Variants in ANO2 observed in about 807,000 individuals in gnomAD.
The protein encoded by ANO2 is anoctamin-2.
A neutral mutation model predicts 124.2 loss-of-function variants in ANO2; 101 were observed. The observed-to-expected ratio is 0.81, with a 90% CI of 0.69 to 0.96. The LOEUF (loss-of-function observed/expected upper bound fraction) is 0.96, where lower values mean the gene tolerates loss of function less well. Among genes scored for constraint, ANO2 ranks in the 40% least tolerant of loss-of-function variants. ANO2 has a pLI of 0.00. For missense variants in ANO2, 1,293 were observed against 1,274.5 expected (o/e 1.01, Z -0.22); for synonymous variants, 486 against 482.5 (o/e 1.01, Z -0.09).
intron 14 of ANO2, among the ~76,000 whole-genome samples, chr12:5,693,020 G>A (rs1049246514): frequency 3.9e-5 from 6 of 152,140 alleles, no homozygotes; most frequent in South Asian, 2.1e-4. Flanking sequence ...CTCACTAGCC[G>A]CTTCTGCTCA....
At chr12:5,860,054 G>A (rs1186849662) in intron 3 of ANO2, among the ~76,000 whole-genome samples, 4 of 152,046 alleles carry the variant, frequency 2.6e-5, no homozygotes, top group Non-Finnish European at 5.9e-5. Context: ...TAAGGTACCA[G>A]CCCCTCTCAC....
At chr12:5,682,193 T>C (rs775485206) in intron 14 of ANO2, among the ~76,000 whole-genome samples, 13 of 152,234 alleles carry the variant, frequency 8.5e-5, no homozygotes, top group Admixed American at 1.3e-4. Context: ...CCAACTCCTA[T>C]ATTTATCAAA....
intron 19 of ANO2, among the ~76,000 whole-genome samples, chr12:5,603,602 T>C (rs955907429): frequency 1.3e-5 from 2 of 152,136 alleles, no homozygotes; most frequent in African/African-American, 4.8e-5. Context: ...AAATGGCTCA[T>C]AGAAAGGACT....
At chr12:5,796,400 G>GCGCA (rs546081502) in intron 10 of ANO2, among the ~76,000 whole-genome samples, 2 of 147,508 alleles carry the variant, frequency 1.4e-5, no homozygotes, top group African/African-American at 5.0e-5. Context: ...ATATTCTCTG[G>GCGCA]CACACACACA....
intron 3 of ANO2, among the ~76,000 whole-genome samples, chr12:5,854,462 A>G (rs1955035906): frequency 1.3e-5 from 2 of 151,954 alleles, no homozygotes; most frequent in African/African-American, 4.8e-5. Context: ...AATATAAGCA[A>G]TCATGATTTT....
rs192848276 is a variant in ANO2 at position 5,716,323 on chromosome 12, A to G, written c.1545+16197T>C. Among the ~76,000 whole-genome samples, 337 of 152,250 alleles carry G rather than the reference A, an allele frequency of 2.2e-3. 1 individual carries two copies. Among genetic ancestry groups the G allele is most frequent in the Non-Finnish European group, 3.5e-3 (236 of 68,004 alleles). On this transcript the variant is annotated intron_variant, in intron 14 of 24. Transcript: ENST00000682330. ...AATCATTGACCCCTTCCTCACACTC[A>G]AGCACTGGAGGTGGGAGGCTGCAGT... is the stretch of plus-strand genomic sequence containing the variant.
At position 5,635,305 on chromosome 12, in the gene ANO2, G is replaced by A. The variant is rs372864505; in HGVS notation, c.1663C>T (p.Arg555Ter). Residue 555 changes from arginine (R) to a stop codon, truncating the protein, a stop_gained, in exon 16 of 25, where the codon CGA (arginine) becomes TGA (stop). Coordinates refer to ENST00000682330, the MANE Select transcript of ANO2 (RefSeq NM_001364791.2). LOFTEE classifies it high-confidence loss of function. This position sits in a 1 kb window ranked among gnomAD's most constrained non-coding sequence, Gnocchi z 5.2. ...FSIVFGVIVY[R>*]ITTAAALSLN... ...GACAGAGCGGCTGCAGTTGTTATTC[G>A]ATACACTATCACCCCAAAGACGATT... 6.9e-6 allele frequency: 11 copies of A among 1,605,820 alleles called. No homozygotes were observed. The highest frequency in any genetic ancestry group is 4.0e-5 in the African/African-American group (3 of 74,376).
rs181877146 is a variant in ANO2 at position 5,821,971 on chromosome 12, T to C, written c.892+5798A>G. 1.1e-4 allele frequency among the ~76,000 whole-genome samples: 17 copies of C among 152,256 alleles called. 1 individual carries two copies. Among genetic ancestry groups the C allele is most frequent in the Admixed American group, 1.0e-3 (16 of 15,290 alleles). On this transcript the variant is annotated intron_variant, in intron 7 of 24. Transcript: ENST00000682330. ...CAATGGTCTCGTGGGGAGCTCCCTATGATCAGTTGACAGAGGAAGAGAAGA... is the reference window on the plus strand; with the variant it reads ...CAATGGTCTCGTGGGGAGCTCCCTACGATCAGTTGACAGAGGAAGAGAAGA...
chr12:5,671,344 C>G (rs1014878065), intron 14 of ANO2, among the ~76,000 whole-genome samples: 1 of 152,180 alleles, frequency 6.6e-6, no homozygotes, highest in African/African-American at 2.4e-5. Context: ...CTCCTCCAAC[C>G]CATTCACAAT....
Position 5,676,601 on chromosome 12 carries a change from A to AT in ANO2, c.1546-28801dup, listed in dbSNP as rs369511243. Among the ~76,000 whole-genome samples, 907 of 151,488 alleles carry AT rather than the reference A, an allele frequency of 6.0e-3. 8 individuals are homozygous for AT. Among genetic ancestry groups the AT allele is most frequent in the African/African-American group, 0.021 (865 of 41,334 alleles). ...TTCTAAAGAACTTATGTGAGTTTCC[A>AT]TTTTTTTTTCCTGCAGTAAACAAAG... On this transcript the variant is annotated intron_variant, in intron 14 of 24. Transcript: ENST00000682330.
At chr12:5,719,582 T>C (rs1950145788) in intron 14 of ANO2, among the ~76,000 whole-genome samples, 1 of 152,204 alleles carries the variant, frequency 6.6e-6, no homozygotes, top group East Asian at 1.9e-4. Flanking sequence ...CATGTGAGAA[T>C]GCAGCAACAA....
intron 3 of ANO2, 150 bp from the exon 4 acceptor site, chr12:5,854,291 C>A: frequency 1.6e-6 from 1 of 625,746 alleles, no homozygotes; most frequent in Non-Finnish European, 2.8e-6. Flanking sequence ...GGACCAGTCC[C>A]TTCCCACCTG....
chr12:5,667,943 C>T (rs1334665644), intron 14 of ANO2, among the ~76,000 whole-genome samples: 1 of 152,144 alleles, frequency 6.6e-6, no homozygotes, highest in African/African-American at 2.4e-5. Flanking sequence ...TATCTTTATC[C>T]ACTCTATCAT....
At chr12:5,701,087 ATTTTTT>A (rs56113538) in intron 14 of ANO2, among the ~76,000 whole-genome samples, 1 of 93,610 alleles carries the variant, frequency 1.1e-5, no homozygotes, top group Non-Finnish European at 1.9e-5. Flanking sequence ...GTCATTTTCA[ATTTTTT>A]TTTTTTTTTT....
intron 3 of ANO2, among the ~76,000 whole-genome samples, chr12:5,905,735 T>C (rs985396661): frequency 5.3e-5 from 8 of 151,858 alleles, no homozygotes; most frequent in African/African-American, 1.9e-4. Context: ...CCAGAGAGGG[T>C]TGAAAGAAAG....
intron 16 of ANO2, among the ~76,000 whole-genome samples, chr12:5,632,074 G>T (rs185125154): frequency 6.6e-6 from 1 of 152,236 alleles, no homozygotes; most frequent in Admixed American, 6.5e-5. Flanking sequence ...GGAAATCTTT[G>T]TCCAAAAAAC....
intron 23 of ANO2, among the ~76,000 whole-genome samples, chr12:5,570,521 G>GA (rs1942044752): frequency 6.6e-6 from 1 of 151,964 alleles, no homozygotes; most frequent in Non-Finnish European, 1.5e-5. Context: ...TTTTACAGAT[G>GA]AAAAAACTGA....
At chr12:5,710,381 C>T (rs1949767453) in intron 14 of ANO2, among the ~76,000 whole-genome samples, 1 of 152,208 alleles carries the variant, frequency 6.6e-6, no homozygotes, top group South Asian at 2.1e-4. Context: ...GTTTACCAAG[C>T]ACTGAGAATT....
chr12:5,607,176 C>G (rs1944263047), intron 19 of ANO2, among the ~76,000 whole-genome samples: 1 of 152,056 alleles, frequency 6.6e-6, no homozygotes, highest in Non-Finnish European at 1.5e-5. Context: ...CTAAAAGCCA[C>G]TGAGCCAGGA....
Sources: allele counts gnomAD v4.1 joint callset (sites outside exome capture counted in the v4.1 genomes callset), GRCh38; gene constraint gnomAD v4.1.1; non-coding constraint Gnocchi (gnomAD v3.1); transcripts MANE v1.5; gene names NCBI Gene and HGNC (gene_info 2026-07-23, HGNC 2026-07-21).